GORASP2: variants seen among roughly 807,000 people sequenced by gnomAD.
GORASP2 encodes the protein golgi reassembly stacking protein 2.
A neutral mutation model predicts 45.7 loss-of-function variants in GORASP2; 22 were observed. The observed-to-expected ratio is 0.48, with a 90% CI of 0.34 to 0.69. GORASP2 has a LOEUF of 0.69. Among genes scored for constraint, GORASP2 ranks in the 30% least tolerant of loss-of-function variants. GORASP2 has a pLI of 0.01. For synonymous variants in GORASP2, 221 were observed against 215.6 expected (o/e 1.02, Z -0.22); for missense variants, 491 against 562.7 (o/e 0.87, Z 1.29).
intron 1 of GORASP2, chr2:170,936,701 C>G: frequency 8.5e-7 from 1 of 1,170,730 alleles, no homozygotes; most frequent in South Asian, 1.3e-5. Context: ...CACCTGTAAT[C>G]CCAGCTACTC....
At chr2:170,936,638 G>C in intron 1 of GORASP2, 1 of 1,300,484 alleles carries the variant, frequency 7.7e-7, no homozygotes, top group Non-Finnish European at 1.0e-6. Flanking sequence ...AATGAGAGAA[G>C]GCTCAAGCAC....
chr2:170,948,505 G>T, intron 2 of GORASP2, 75 bp downstream of exon 2: 1 of 759,208 alleles, frequency 1.3e-6, no homozygotes. Context: ...GATGACCTGA[G>T]ATGGGTATTT....
chr2:170,935,204 T>G (rs1355568154), intron 1 of GORASP2, among the ~76,000 whole-genome samples: 1 of 152,198 alleles, frequency 6.6e-6, no homozygotes. Flanking sequence ...ACATAAACTT[T>G]TTCTAATATT....
intron 9 of GORASP2, among the ~76,000 whole-genome samples, 193 bp from the exon 10 acceptor site, chr2:170,965,583 GAGAACCTATTCCTT>G (rs1704665518): frequency 1.3e-5 from 2 of 152,214 alleles, no homozygotes; most frequent in South Asian, 4.1e-4. Context: ...CCTAGAAGTT[GAGAACCTATTCCTT>G]CAGGCAGCTG....
chr2:170,946,582 C>T (rs1704185940), intron 1 of GORASP2, among the ~76,000 whole-genome samples: 1 of 151,886 alleles, frequency 6.6e-6, no homozygotes, highest in African/African-American at 2.4e-5. Flanking sequence ...CATTTAAAGG[C>T]CAGTAAATGT....
chr2:170,957,943 G>A (rs1036318541), intron 7 of GORASP2, among the ~76,000 whole-genome samples: 2 of 152,168 alleles, frequency 1.3e-5, no homozygotes, highest in African/African-American at 4.8e-5. Flanking sequence ...ACAGGTGCGA[G>A]TCATGGCTCC....
chr2:170,950,407 C>CA, intron 4 of GORASP2, 117 bp downstream of exon 4: 1 of 547,476 alleles, frequency 1.8e-6, no homozygotes, highest in Admixed American at 3.8e-5. Flanking sequence ...CTTTGCTGAT[C>CA]AAAAATAACT....
chr2:170,934,936 C>T (rs1198611393), intron 1 of GORASP2, among the ~76,000 whole-genome samples: 1 of 152,108 alleles, frequency 6.6e-6, no homozygotes, highest in Non-Finnish European at 1.5e-5. Flanking sequence ...TGGGCTTTCA[C>T]CCTATTGGTC....
upstream of GORASP2, chr2:170,929,172 C>A: frequency 2.1e-6 from 1 of 466,910 alleles, no homozygotes; most frequent in Non-Finnish European, 3.5e-6. Flanking sequence ...TGCGGCGTCG[C>A]AGCGGCCCGG....
At chr2:170,929,726 C>G (rs1703771462) in intron 1 of GORASP2, 1 of 574,076 alleles carries the variant, frequency 1.7e-6, no homozygotes. Context: ...CTCCTCCACC[C>G]CCCCTCATTT....
chr2:170,951,912 G>A (rs1295818709), intron 5 of GORASP2, among the ~76,000 whole-genome samples: 1 of 152,184 alleles, frequency 6.6e-6, no homozygotes, highest in Non-Finnish European at 1.5e-5. Context: ...CTAACTTGTT[G>A]CAGTTTGAGA....
chr2:170,956,401 A>C, intron 6 of GORASP2, 35 bp from the exon 7 acceptor site: 1 of 1,563,176 alleles, frequency 6.4e-7, no homozygotes, highest in Non-Finnish European at 8.6e-7. Flanking sequence ...AATAAACTTA[A>C]GTAATCTTTG....
chr2:170,949,474 A>G (rs770578364), intron 2 of GORASP2, 65 bp from the exon 3 acceptor site: 1 of 1,110,894 alleles, frequency 9.0e-7, no homozygotes, highest in Non-Finnish European at 1.4e-6. Flanking sequence ...TTATAGGGCC[A>G]TAGGATGCTT....
chr2:170,956,384 T>G, intron 6 of GORASP2, 52 bp from the exon 7 acceptor site: 5 of 1,508,462 alleles, frequency 3.3e-6, no homozygotes, highest in Non-Finnish European at 3.6e-6. Context: ...ATTTATATTT[T>G]CTTTGAAATA....
chr2:170,961,792 T>A, intron 8 of GORASP2, 43 bp downstream of exon 8: 5 of 913,896 alleles, frequency 5.5e-6, no homozygotes, highest in Non-Finnish European at 9.3e-6. Context: ...AATAACAGTA[T>A]TACTGATATT....
intron 9 of GORASP2, among the ~76,000 whole-genome samples, chr2:170,963,560 G>C (rs1230677484): frequency 7.0e-6 from 1 of 143,070 alleles, no homozygotes; most frequent in South Asian, 2.2e-4. Context: ...TTTAATGAAA[G>C]TGTACAGGCT....
At chr2:170,953,109 G>T (rs1053483197) in intron 5 of GORASP2, among the ~76,000 whole-genome samples, 1 of 152,108 alleles carries the variant, frequency 6.6e-6, no homozygotes, top group Non-Finnish European at 1.5e-5. Context: ...TAGTACTACC[G>T]CTTTGGGAGG....
intron 1 of GORASP2, among the ~76,000 whole-genome samples, chr2:170,943,371 CTT>C (rs776266614): frequency 1.6e-4 from 25 of 152,258 alleles, no homozygotes; most frequent in Non-Finnish European, 3.1e-4. Flanking sequence ...GCTATAAAGA[CTT>C]ACCCTCAGAT....
intron 7 of GORASP2, among the ~76,000 whole-genome samples, chr2:170,958,502 T>TA (rs531025716): frequency 1.6e-3 from 240 of 152,238 alleles, no homozygotes; most frequent in African/African-American, 5.6e-3. Context: ...TTTATGATAT[T>TA]ACGATTTTTT....
Sources: allele counts gnomAD v4.1 joint callset (sites outside exome capture counted in the v4.1 genomes callset), GRCh38; gene constraint gnomAD v4.1.1; transcripts MANE v1.5; gene names NCBI Gene and HGNC (gene_info 2026-07-23, HGNC 2026-07-21).